Variants in RFX8 observed in about 807,000 individuals in gnomAD.
RFX8 encodes DNA-binding protein RFX8.
In RFX8, 46 loss-of-function variants were observed where a neutral mutation model predicts 54.6. The observed-to-expected ratio is 0.84, with a 90% CI of 0.67 to 1.08. The LOEUF (loss-of-function observed/expected upper bound fraction) is 1.08. Ranked by LOEUF, RFX8 falls within the 50% of genes least tolerant of loss-of-function variation. The pLI, the probability that RFX8 is intolerant of heterozygous loss-of-function variation, is 0.00. For synonymous variants in RFX8, 192 were observed against 209.5 expected (o/e 0.92, Z 0.72); for missense variants, 536 against 562.3 (o/e 0.95, Z 0.47).
At chr2:101,458,347 ATCGG>A (rs1208769095) in intron 2 of RFX8, among the ~76,000 whole-genome samples, 8 of 152,194 alleles carry the variant, frequency 5.3e-5, no homozygotes, top group Non-Finnish European at 1.0e-4. Context: ...AGTGACTGGT[ATCGG>A]CTGTTTGTTT....
In RFX8 at chr2:101,432,909, G is replaced by T. The variant is rs150310492; in HGVS notation, c.73-10437C>A. 3.3e-3 allele frequency among the ~76,000 whole-genome samples: 507 copies of T among 152,332 alleles called. 5 individuals carry two copies. The highest frequency in any genetic ancestry group is 0.012 in the African/African-American group (489 of 41,570). On this transcript the variant is annotated intron_variant, in intron 2 of 11. Coordinates refer to ENST00000428343, the MANE Select transcript of RFX8 (RefSeq NM_001145664.2). Reference sequence around the variant, plus strand: ...TGACACAGGAGTGACTCCCAGGCGAGTCCGTCCTCAGGTCATTTGCATTCC... The same window carrying T: ...TGACACAGGAGTGACTCCCAGGCGATTCCGTCCTCAGGTCATTTGCATTCC...
At chr2:101,421,547 C>G in intron 4 of RFX8, 177 bp downstream of exon 4, 5 of 1,316,342 alleles carry the variant, frequency 3.8e-6, no homozygotes, top group Non-Finnish European at 4.8e-6. Context: ...ATCGATCTCA[C>G]CTTCCAGAAC....
rs1463000022 is a variant in RFX8 at position 101,458,633 on chromosome 2, G to A, written c.72+8144C>T. On this transcript the variant is annotated intron_variant, in intron 2 of 11. Transcript: ENST00000428343. ...GGTAACTCGACCTTTCTCTCTGTCT[G>A]CCCTTAACACTTTTTCCTTCATTTC... 2.6e-5 allele frequency among the ~76,000 whole-genome samples: 4 copies of A among 152,154 alleles called. No individual in the cohort carries two copies. The East Asian group carries it at 5.8e-4, about 22-fold the overall frequency.
chr2:101,468,236 T>C (rs1423677701), intron 1 of RFX8, among the ~76,000 whole-genome samples: 2 of 152,166 alleles, frequency 1.3e-5, no homozygotes, highest in Admixed American at 1.3e-4. Context: ...TTCTCACAGT[T>C]CTGGAAGCTG....
chr2:101,457,763 T>C (rs539810482), intron 2 of RFX8, among the ~76,000 whole-genome samples: 6 of 152,356 alleles, frequency 3.9e-5, no homozygotes, highest in Admixed American at 3.3e-4. Context: ...CAGATATCCT[T>C]GTTAACCTTC....
At chr2:101,448,072 T>C (rs1359110087) in intron 2 of RFX8, among the ~76,000 whole-genome samples, 1 of 152,198 alleles carries the variant, frequency 6.6e-6, no homozygotes, top group East Asian at 1.9e-4. Flanking sequence ...ATCCCATTCA[T>C]GAGGGTGGAG....
chr2:101,437,070 T>A (rs893343589), intron 2 of RFX8, among the ~76,000 whole-genome samples: 1 of 152,210 alleles, frequency 6.6e-6, no homozygotes, highest in African/African-American at 2.4e-5. Context: ...TTTTCCTGAA[T>A]TATAGGATTC....
chr2:101,451,775 G>C (rs1292287559), intron 2 of RFX8, among the ~76,000 whole-genome samples: 4 of 151,278 alleles, frequency 2.6e-5, no homozygotes, highest in African/African-American at 4.9e-5. Context: ...TGTGAACACA[G>C]AAACTTTAGT....
At chr2:101,463,376 C>G (rs987609995) in intron 2 of RFX8, among the ~76,000 whole-genome samples, 13 of 152,148 alleles carry the variant, frequency 8.5e-5, no homozygotes, top group African/African-American at 2.9e-4. Context: ...CAAAGAGAGG[C>G]CTCAGACTCC....
chr2:101,408,602 A>C (rs1685901352), intron 9 of RFX8, among the ~76,000 whole-genome samples: 1 of 152,246 alleles, frequency 6.6e-6, no homozygotes, highest in Admixed American at 6.5e-5. Flanking sequence ...GCAAATGAAT[A>C]AATGTCTCAG....
At chr2:101,420,495 A>G (rs1686803413) in intron 4 of RFX8, among the ~76,000 whole-genome samples, 3 of 152,132 alleles carry the variant, frequency 2.0e-5, no homozygotes, top group African/African-American at 7.2e-5. Flanking sequence ...GTGAGCCGAG[A>G]TCGCACCACT....
intron 5 of RFX8, among the ~76,000 whole-genome samples, chr2:101,418,634 G>A (rs1034639898): frequency 6.6e-6 from 1 of 152,296 alleles, no homozygotes; most frequent in African/African-American, 2.4e-5. Flanking sequence ...TGGAACCAGA[G>A]GTTACTATGT....
At chr2:101,408,505 G>A (rs1489261883) in intron 9 of RFX8, among the ~76,000 whole-genome samples, 1 of 151,146 alleles carries the variant, frequency 6.6e-6, no homozygotes, top group African/African-American at 2.4e-5. Context: ...CAAAAAAAAC[G>A]CTGGAGGCTG....
At chr2:101,463,974 C>A (rs1689430341) in intron 2 of RFX8, among the ~76,000 whole-genome samples, 1 of 152,214 alleles carries the variant, frequency 6.6e-6, no homozygotes, top group Non-Finnish European at 1.5e-5. Context: ...ACAGTGACAA[C>A]AAGACTTGGT....
In RFX8 at chr2:101,402,158, A is replaced by T. The variant is rs4430974; in HGVS notation, c.1245+278T>A. Among the ~76,000 whole-genome samples, 71,214 of 152,116 alleles carry T rather than the reference A, an allele frequency of 0.47. 17,383 individuals carry two copies. Among genetic ancestry groups the T allele is most frequent in the Non-Finnish European group, 0.52 (35,230 of 67,976 alleles). ...GTGCTACTGCTGAGTTAGTCTAACC[A>T]GGCCAGGCACACTCTGGGAAGGCAA... On this transcript the variant is annotated intron_variant, in intron 11 of 11. Transcript: ENST00000428343.
In RFX8 at chr2:101,436,859, G is replaced by A. The variant is rs561015706; in HGVS notation, c.73-14387C>T. On this transcript the variant is annotated intron_variant, in intron 2 of 11. Coordinates refer to ENST00000428343, the MANE Select transcript of RFX8 (RefSeq NM_001145664.2). ...CTGCTCTGGTTCTGTTAAAGGCAACGATGCCTGTGCGTCCAGAGGAAAAGC... is the reference window on the plus strand; with the variant it reads ...CTGCTCTGGTTCTGTTAAAGGCAACAATGCCTGTGCGTCCAGAGGAAAAGC... Among the ~76,000 whole-genome samples the A allele has an allele frequency of 3.9e-5, 6 of 152,310 alleles. No individual in the cohort carries two copies. The South Asian group carries it at 1.0e-3, about 26-fold the overall frequency.
At position 101,456,621 on chromosome 2, in the gene RFX8, T is replaced by C. The variant is rs535030027; in HGVS notation, c.72+10156A>G. 2.0e-5 allele frequency among the ~76,000 whole-genome samples: 3 copies of C among 152,326 alleles called. No homozygotes were observed. The South Asian group carries it at 6.2e-4, about 32-fold the overall frequency. On this transcript the variant is annotated intron_variant, in intron 2 of 11. Coordinates refer to ENST00000428343, the MANE Select transcript of RFX8 (RefSeq NM_001145664.2). ...CTACTGGATTCGGTTTGCCAGTATT[T>C]TATTGAGGATTTTCGTATCGATGTT...
At chr2:101,407,560 C>T (rs1259344530) in intron 9 of RFX8, among the ~76,000 whole-genome samples, 1 of 152,116 alleles carries the variant, frequency 6.6e-6, no homozygotes, top group East Asian at 1.9e-4. Context: ...GGCAGGGTGG[C>T]ACACGCCTGT....
intron 2 of RFX8, among the ~76,000 whole-genome samples, chr2:101,458,327 A>G (rs1029291816): frequency 1.1e-4 from 16 of 152,222 alleles, no homozygotes; most frequent in African/African-American, 3.9e-4. Context: ...ACAATTTGGC[A>G]AGTTTTTGCA....
Sources: gnomAD v4.1 joint callset for allele counts (sites outside exome capture counted in the v4.1 genomes callset) on GRCh38, gnomAD v4.1.1 for gene constraint, MANE v1.5 for transcripts, NCBI Gene and HGNC (gene_info 2026-07-23, HGNC 2026-07-21) for gene names.